Variants in AGFG2 observed in about 807,000 individuals in gnomAD.
AGFG2 encodes arf-GAP domain and FG repeat-containing protein 2.
In AGFG2, 31 loss-of-function variants were observed where a neutral mutation model predicts 48.0. The observed-to-expected ratio is 0.65, with a 90% CI of 0.49 to 0.87. The LOEUF is 0.87. Among genes scored for constraint, AGFG2 ranks in the 40% least tolerant of loss-of-function variants. The probability of loss-of-function intolerance (pLI) is 0.00; values close to 1 mark genes in which losing one functional copy is unlikely to be tolerated. For missense variants in AGFG2, 599 were observed against 632.6 expected (o/e 0.95, Z 0.57); for synonymous variants, 229 against 260.8 (o/e 0.88, Z 1.18).
At position 100,560,736 on chromosome 7, in the gene AGFG2, T is replaced by G. The variant is rs529305708; in HGVS notation, c.878-1523T>G. Among the ~76,000 whole-genome samples the G allele has an allele frequency of 1.3e-4, 20 of 152,032 alleles. No individual in the cohort carries two copies. The South Asian group carries it at 4.2e-3, about 32-fold the overall frequency. On this transcript the variant is annotated intron_variant, in intron 6 of 11. Transcript: ENST00000300176. ...TGGGCACTTCGTCTTCCCTACTAGA[T>G]TCTCAGCTTCACCCATTTAGGGCCC...
At chr7:100,539,698 G>A in intron 1 of AGFG2, 131 bp downstream of exon 1, 1 of 722,042 alleles carries the variant, frequency 1.4e-6, no homozygotes, top group Non-Finnish European at 1.9e-6. Flanking sequence ...GGAACGCGCC[G>A]GCTGTGGGGA....
At chr7:100,544,339 G>A (rs1201277168) in intron 1 of AGFG2, among the ~76,000 whole-genome samples, 2 of 152,140 alleles carry the variant, frequency 1.3e-5, no homozygotes, top group Non-Finnish European at 2.9e-5. Flanking sequence ...CAGAGCTCTG[G>A]GCTGGGTGTC....
intron 1 of AGFG2, among the ~76,000 whole-genome samples, chr7:100,541,781 A>G (rs1170601482): frequency 1.3e-5 from 2 of 151,762 alleles, no homozygotes; most frequent in African/African-American, 4.8e-5. Context: ...AAAAAAAAAA[A>G]AGGAGTATGT....
At chr7:100,548,766 C>T (rs1584382395) in intron 1 of AGFG2, 56 bp from the exon 2 acceptor site, 2 of 1,386,916 alleles carry the variant, frequency 1.4e-6, no homozygotes, top group South Asian at 1.2e-5. Context: ...CTCCCATGAA[C>T]AGCCTGCCAT....
chr7:100,563,855 G>T lies in AGFG2; in HGVS notation c.1193G>T (p.Ser398Ile). The change falls in exon 10 of 12, where the codon AGT (serine) becomes ATT (isoleucine). Residue 398 changes from serine to isoleucine, a missense_variant. By Grantham distance (142) the Ser-to-Ile change is moderately radical (BLOSUM62 -2). Transcript: ENST00000300176. The stretch of plus-strand genomic sequence containing the variant: ...ATAGGGCCCGGCTTTGGGATGAGCA[G>T]TGCTGGGCCTGGCTTCCCCCAGGCA... Reference protein sequence around the residue: ...LAPGPGFGMSSAGPGFPQAVP... With the variant: ...LAPGPGFGMSIAGPGFPQAVP... 1 of 1,611,472 alleles carries T rather than the reference G, an allele frequency of 6.2e-7. No individual in the cohort carries two copies. Among genetic ancestry groups the T allele is most frequent in the Non-Finnish European group, 8.5e-7 (1 of 1,180,016 alleles).
In AGFG2 at chr7:100,539,406, G is replaced by C; in HGVS notation, c.60G>C (p.Ala20=). The C allele has an allele frequency of 1.5e-6, 2 of 1,314,022 alleles. No homozygotes were observed. Among genetic ancestry groups the C allele is most frequent in the Non-Finnish European group, 1.9e-6 (2 of 1,028,500 alleles). 81.4% of individuals were successfully genotyped at this position (1,314,022 alleles called of 1,614,324 possible). The change falls in exon 1 of 12, where the codon GCG becomes GCC. Residue 20 remains alanine (A), a synonymous_variant. Transcript: ENST00000300176. ...GCGGCGGGGTCAGCGGGGGCAAGGC[G>C]GAGGCGGAGGCGGCCTCGGAGGTGT... ...GPGGGVSGGK[A]EAEAASEVWC...
At chr7:100,543,534 G>A (rs1440674054) in intron 1 of AGFG2, among the ~76,000 whole-genome samples, 2 of 152,296 alleles carry the variant, frequency 1.3e-5, no homozygotes, top group East Asian at 3.9e-4. Context: ...GGATAGAGTC[G>A]TCTGGGGGCA....
chr7:100,550,426 G>GATGCTC lies in AGFG2; in HGVS notation c.347_352dup (p.Ala117_Arg118insHisAla). On this transcript the variant is annotated inframe_insertion, in exon 3 of 12. Transcript: ENST00000300176. ...CCGGAAGATTTGGTTGGGTCTGTTT[G>GATGCTC]ATGCTCGGACATCTTTAGTACCAGA... 6.2e-7 allele frequency: 1 copy of GATGCTC among 1,609,362 alleles called. No individual in the cohort carries two copies. Among genetic ancestry groups the GATGCTC allele is most frequent in the Non-Finnish European group, 8.5e-7 (1 of 1,177,382 alleles).
Position 100,565,889 on chromosome 7 carries a change from C to CTTTTTT in AGFG2, c.*912_*917dup, listed in dbSNP as rs56804763. On this transcript the variant is annotated 3_prime_UTR_variant, in exon 12 of 12. Coordinates refer to ENST00000300176, the MANE Select transcript of AGFG2 (RefSeq NM_006076.5). Reference sequence around the variant, plus strand: ...GAAAGGCTTTGTGCAATTGCCTGGTCTTTTTTTTTTTTTTTTTTTCTCCAT... The same window carrying CTTTTTT: ...GAAAGGCTTTGTGCAATTGCCTGGTCTTTTTTTTTTTTTTTTTTTTTTTTTCTCCAT... 8.1e-6 allele frequency: 1 copy of CTTTTTT among 123,850 alleles called. No homozygotes were observed. Among genetic ancestry groups the CTTTTTT allele is most frequent in the South Asian group, 2.7e-4 (1 of 3,698 alleles). 7.7% of individuals were successfully genotyped at this position (123,850 alleles called of 1,614,324 possible). A position where few individuals can be genotyped will look rare whatever the true frequency, so the allele number is the denominator to read the frequency against.
At chr7:100,558,886 G>A (rs1302220877) in intron 6 of AGFG2, among the ~76,000 whole-genome samples, 2 of 151,924 alleles carry the variant, frequency 1.3e-5, no homozygotes, top group African/African-American at 2.4e-5. Context: ...CTGTAATCCC[G>A]GCACTTTGGG....
intron 3 of AGFG2, 46 bp from the exon 4 acceptor site, chr7:100,553,301 C>A (rs1562792816): frequency 6.2e-7 from 1 of 1,610,420 alleles, no homozygotes; most frequent in Non-Finnish European, 8.5e-7. Context: ...GAGCGTGGTC[C>A]AAAGTTTTAT....
intron 6 of AGFG2, among the ~76,000 whole-genome samples, chr7:100,561,491 G>A (rs1050137182): frequency 1.3e-5 from 2 of 152,200 alleles, no homozygotes; most frequent in African/African-American, 4.8e-5. Context: ...GGTCGATAGG[G>A]TCCCAAGATA....
Position 100,562,611 on chromosome 7 carries a change from G to T in AGFG2, c.1016G>T (p.Gly339Val). 6.2e-7 allele frequency: 1 copy of T among 1,612,884 alleles called. No individual in the cohort carries two copies. Among genetic ancestry groups the T allele is most frequent in the Non-Finnish European group, 8.5e-7 (1 of 1,179,948 alleles). The change falls in exon 8 of 12, where the codon GGC becomes GTC. Residue 339 changes from glycine (G) to valine (V), a missense_variant. Physicochemically the swap from Gly to Val is moderately radical, Grantham distance 109. Transcript: ENST00000300176. The surrounding 1 kb of genome is among the most constrained non-coding windows in gnomAD (Gnocchi z 5.4). ...TGTTGTAGCCTCTTCGGGATGGCTG[G>T]CCAGGTCCCCCCGCTCCAGTCTGTC... The part of the protein sequence containing the change: ...GVPSSLFGMA[G>V]QVPPLQSVTM...
chr7:100,557,198 C>CAA (rs745492260), intron 6 of AGFG2, among the ~76,000 whole-genome samples: 4 of 86,934 alleles, frequency 4.6e-5, no homozygotes, highest in Non-Finnish European at 4.8e-5. Flanking sequence ...ACTCTTGTCT[C>CAA]AAAAAAAAAA....
At chr7:100,564,354 G>A in intron 11 of AGFG2, 51 bp downstream of exon 11, 7 of 1,556,920 alleles carry the variant, frequency 4.5e-6, no homozygotes, top group Non-Finnish European at 5.3e-6. Flanking sequence ...CTTTCCCTCT[G>A]GGACAATCCT....
In AGFG2 at chr7:100,539,577, C is replaced by G. The variant is rs760153852; in HGVS notation, c.221+10C>G. ...CCTGCTCCGGCCTCCTGTGAGTGACCGGGAGGGAGTGGCCGAGGTCGGCGT... is the reference window on the plus strand; with the variant it reads ...CCTGCTCCGGCCTCCTGTGAGTGACGGGGAGGGAGTGGCCGAGGTCGGCGT... On this transcript the variant is annotated intron_variant, in intron 1 of 11. Transcript: ENST00000300176. 1.3e-4 allele frequency: 74 copies of G among 558,550 alleles called. No individual in the cohort carries two copies. Among genetic ancestry groups the G allele is most frequent in the Non-Finnish European group, 1.6e-4 (71 of 447,426 alleles). 34.6% of individuals were successfully genotyped at this position (558,550 alleles called of 1,614,324 possible).
At chr7:100,552,049 A>G (rs1715732287) in intron 3 of AGFG2, among the ~76,000 whole-genome samples, 1 of 151,934 alleles carries the variant, frequency 6.6e-6, no homozygotes, top group Non-Finnish European at 1.5e-5. Flanking sequence ...GTTCAAGACT[A>G]GCCTGGCCAA....
At position 100,562,168 on chromosome 7, in the gene AGFG2, T is replaced by C; in HGVS notation, c.878-91T>C. On this transcript the variant is annotated intron_variant, in intron 6 of 11. Coordinates refer to ENST00000300176, the MANE Select transcript of AGFG2 (RefSeq NM_006076.5). The surrounding 1 kb of genome is among the most constrained non-coding windows in gnomAD (Gnocchi z 5.4). ...GGCACCTGTCATGCCATGACTCCAA[T>C]CCATCACCACCACCACCTCCATCTG... is the stretch of plus-strand genomic sequence containing the variant. 6.6e-7 allele frequency: 1 copy of C among 1,519,412 alleles called. No individual in the cohort carries two copies. Among genetic ancestry groups the C allele is most frequent in the East Asian group, 2.3e-5 (1 of 43,852 alleles). 94.1% of individuals were successfully genotyped at this position (1,519,412 alleles called of 1,614,324 possible). A position where few individuals can be genotyped will look rare whatever the true frequency, so the allele number is the denominator to read the frequency against.
Position 100,563,924 on chromosome 7 carries a change from T to C in AGFG2, c.1262T>C (p.Leu421Pro). The change falls in exon 10 of 12, where the codon CTG becomes CCG. Residue 421 changes from leucine to proline, a missense_variant. Transcript: ENST00000300176. ...GAFASSFPAP[L>P]FPPQTPLVQQ... ...TTTGCCAGCTCCTTCCCAGCACCGC[T>C]GTTCCCCCCGCAGACCCCGCTTGTT... is the stretch of plus-strand genomic sequence containing the variant. 1 of 1,609,134 alleles carries C rather than the reference T, an allele frequency of 6.2e-7. No individual in the cohort carries two copies. The highest frequency in any genetic ancestry group is 1.3e-5 in the African/African-American group (1 of 75,002).
Sources: allele counts gnomAD v4.1 joint callset (sites outside exome capture counted in the v4.1 genomes callset), GRCh38; gene constraint gnomAD v4.1.1; non-coding constraint Gnocchi (gnomAD v3.1); transcripts MANE v1.5; gene names NCBI Gene and HGNC (gene_info 2026-07-23, HGNC 2026-07-21).